Variants in TGFBR3 observed in about 807,000 individuals in gnomAD.
The protein encoded by TGFBR3 is transforming growth factor beta receptor type 3.
In TGFBR3, 46 loss-of-function variants were observed where a neutral mutation model predicts 87.9. The observed-to-expected ratio is 0.52, with a 90% CI of 0.41 to 0.67. TGFBR3 has a LOEUF of 0.67. Ranked by LOEUF, TGFBR3 falls within the 30% of genes least tolerant of loss-of-function variation. TGFBR3 has a pLI of 0.00. For missense variants in TGFBR3, 866 were observed against 1,041.9 expected, an observed-to-expected ratio of 0.83 and a Z score of 2.32; for synonymous variants, 381 against 391.6, an observed-to-expected ratio of 0.97 and a Z score of 0.32.
At chr1:91,900,891 G>T (rs1198553579) in intron 1 of TGFBR3, among the ~76,000 whole-genome samples, 1 of 152,128 alleles carries the variant, frequency 6.6e-6, no homozygotes, top group Non-Finnish European at 1.5e-5. Flanking sequence ...AAGTTATTGG[G>T]TTTGGTTTTG....
chr1:91,782,341 T>C (rs1016046423), intron 3 of TGFBR3, among the ~76,000 whole-genome samples: 1 of 152,188 alleles, frequency 6.6e-6, no homozygotes, highest in Non-Finnish European at 1.5e-5. Flanking sequence ...TTCAGTTGCC[T>C]TTGATTTTGG....
intron 9 of TGFBR3, 54 bp from the exon 10 acceptor site, chr1:91,719,518 T>C: frequency 6.2e-7 from 1 of 1,608,388 alleles, no homozygotes; most frequent in East Asian, 2.2e-5. Flanking sequence ...AGTTCTGTTG[T>C]ATAATTGACA....
chr1:91,898,282 A>C (rs1205569612), intron 2 of TGFBR3, among the ~76,000 whole-genome samples: 1 of 152,174 alleles, frequency 6.6e-6, no homozygotes, highest in Non-Finnish European at 1.5e-5. Context: ...TTAAAAAGAC[A>C]GAACATGAAG....
At position 91,682,958 on chromosome 1, in the gene TGFBR3, A is replaced by G; in HGVS notation, c.*781T>C. 1 of 454,526 alleles carries G rather than the reference A, an allele frequency of 2.2e-6. No homozygotes were observed. The highest frequency in any genetic ancestry group is 4.4e-6 in the Non-Finnish European group (1 of 226,796). The allele number at this position is 454,526 out of a possible 1,614,324, so 28.2% of individuals were successfully genotyped here. ...AACAAAATATTAGGAATGGGCACAA[A>G]TCTGTGGTTCCTGATTTTGGTCATT... On this transcript the variant is annotated 3_prime_UTR_variant, in exon 17 of 17. Transcript: ENST00000212355.
chr1:91,890,330 G>T (rs1434851881), upstream of TGFBR3, among the ~76,000 whole-genome samples: 1 of 145,734 alleles, frequency 6.9e-6, no homozygotes, highest in Non-Finnish European at 1.5e-5. Context: ...TTCACAGTCT[G>T]CTAATCAGAC....
chr1:91,840,157 A>G (rs1267836752), intron 2 of TGFBR3, among the ~76,000 whole-genome samples: 1 of 151,778 alleles, frequency 6.6e-6, no homozygotes, highest in Non-Finnish European at 1.5e-5. Flanking sequence ...TTTAAAAAAA[A>G]AAAAAAATAC....
At chr1:91,692,019 A>C (rs12040094) in intron 16 of TGFBR3, among the ~76,000 whole-genome samples, 31,349 of 152,136 alleles carry the variant, frequency 0.21, 3,542 homozygotes, top group Middle Eastern at 0.32. Context: ...AAGAAAAAAA[A>C]GAAAAGAAAA....
At chr1:91,715,259 T>C (rs1051561589) in intron 12 of TGFBR3, among the ~76,000 whole-genome samples, 4 of 152,226 alleles carry the variant, frequency 2.6e-5, no homozygotes, top group African/African-American at 9.6e-5. Context: ...GAATCCACTC[T>C]CTGAACCTGG....
At chr1:91,717,084 CT>C (rs1362214334) in intron 10 of TGFBR3, among the ~76,000 whole-genome samples, 31 of 152,164 alleles carry the variant, frequency 2.0e-4, no homozygotes, top group Non-Finnish European at 4.4e-4. Flanking sequence ...GGGGCTTCCC[CT>C]TAAGAGTCTT....
At chr1:91,696,128 T>A (rs1273064397) in intron 15 of TGFBR3, among the ~76,000 whole-genome samples, 2 of 152,192 alleles carry the variant, frequency 1.3e-5, no homozygotes, top group Non-Finnish European at 2.9e-5. Flanking sequence ...ATTCACAGGT[T>A]AAGATGCTTT....
chr1:91,777,563 G>A lies in TGFBR3; in HGVS notation c.247-18813C>T, dbSNP rs1016915677. Among the ~76,000 whole-genome samples, 31 of 151,472 alleles carry A rather than the reference G, an allele frequency of 2.0e-4. 1 individual carries two copies. In the Middle Eastern group the frequency reaches 0.014, roughly 67 times the overall value. ...ACCTGGCTCCAATTATTCCAGCAAT[G>A]CCTTCCCCCAGCCCCAGCCCCAACC... is the stretch of plus-strand genomic sequence containing the variant. On this transcript the variant is annotated intron_variant, in intron 3 of 16. Coordinates refer to ENST00000212355, the MANE Select transcript of TGFBR3 (RefSeq NM_003243.5).
At chr1:91,898,838 T>A (rs950413661) in intron 2 of TGFBR3, among the ~76,000 whole-genome samples, 6 of 152,216 alleles carry the variant, frequency 3.9e-5, no homozygotes, top group African/African-American at 1.4e-4. Context: ...ACAATGATTT[T>A]AAAACCCATC....
At chr1:91,881,845 G>T (rs913706542) in intron 1 of TGFBR3, among the ~76,000 whole-genome samples, 2 of 151,816 alleles carry the variant, frequency 1.3e-5, no homozygotes, top group Non-Finnish European at 2.9e-5. Context: ...CAAGACCATC[G>T]GGGCTAACAC....
intron 5 of TGFBR3, among the ~76,000 whole-genome samples, chr1:91,731,176 G>C (rs1396416084): frequency 6.6e-6 from 1 of 152,222 alleles, no homozygotes; most frequent in African/African-American, 2.4e-5. Context: ...TTTGAGGACA[G>C]GATGCCAGGG....
At chr1:91,790,539 T>C (rs909774066) in intron 3 of TGFBR3, among the ~76,000 whole-genome samples, 3 of 152,158 alleles carry the variant, frequency 2.0e-5, no homozygotes, top group Non-Finnish European at 2.9e-5. Context: ...AGCTGGGTGA[T>C]TTCCAGAACA....
chr1:91,727,482 C>T (rs1672590292), intron 7 of TGFBR3, among the ~76,000 whole-genome samples, 177 bp downstream of exon 7: 1 of 152,164 alleles, frequency 6.6e-6, no homozygotes, highest in African/African-American at 2.4e-5. Context: ...AATCCAAGGC[C>T]ATGTTTGAAC....
intron 2 of TGFBR3, among the ~76,000 whole-genome samples, chr1:91,828,362 A>G (rs1286044638): frequency 6.6e-6 from 1 of 152,236 alleles, no homozygotes; most frequent in Non-Finnish European, 1.5e-5. Flanking sequence ...TGGCAAACTC[A>G]TATTTCACAC....
At chr1:91,703,243 G>A (rs1671683421) in intron 14 of TGFBR3, among the ~76,000 whole-genome samples, 1 of 152,012 alleles carries the variant, frequency 6.6e-6, no homozygotes, top group South Asian at 2.1e-4. Flanking sequence ...TTTTTATTCT[G>A]GAAAGATCAA....
At chr1:91,785,786 T>A (rs79305855) in intron 3 of TGFBR3, among the ~76,000 whole-genome samples, 1 of 151,164 alleles carries the variant, frequency 6.6e-6, no homozygotes, top group African/African-American at 2.4e-5. Flanking sequence ...TTTTTTTTTT[T>A]AGACAGCGTC....
Sources: allele counts gnomAD v4.1 joint callset (sites outside exome capture counted in the v4.1 genomes callset), GRCh38; gene constraint gnomAD v4.1.1; transcripts MANE v1.5; gene names NCBI Gene and HGNC (gene_info 2026-07-23, HGNC 2026-07-21).